The following XPC variants were observed in gnomAD, a reference collection of about 807,000 sequenced individuals.
XPC encodes the protein DNA repair protein complementing XP-C cells.
A neutral mutation model predicts 95.8 loss-of-function variants in XPC; 76 were observed. The ratio of observed to expected loss-of-function variants is 0.79; its 90% CI spans 0.66 to 0.96. The LOEUF is 0.96. Ranked by LOEUF, XPC falls within the 40% of genes least tolerant of loss-of-function variation. The probability of loss-of-function intolerance (pLI) is 0.00; values close to 1 mark genes in which losing one functional copy is unlikely to be tolerated. For synonymous variants in XPC, 442 were observed against 442.1 expected (o/e 1.00, Z 0.00); for missense variants, 1,146 against 1,179.8 (o/e 0.97, Z 0.42).
Position 14,158,600 on chromosome 3 carries a change from A to T in XPC, c.1283T>A (p.Val428Glu). The T allele has an allele frequency of 6.2e-7, 1 of 1,612,098 alleles. No homozygotes were observed. The highest frequency in any genetic ancestry group is 1.3e-5 in the African/African-American group (1 of 74,810). Reference sequence around the variant, plus strand: ...ACTCCCACTCTCCTCTTTATAAGACACCCTGGAGGCCACCCGCCGCTCCCG... The same window carrying T: ...ACTCCCACTCTCCTCTTTATAAGACTCCCTGGAGGCCACCCGCCGCTCCCG... ...HGRERRVASR[V>E]SYKEESGSDE... The change falls in exon 9 of 16, where the codon GTG (valine) becomes GAG (glutamate). Residue 428 changes from valine to glutamate, a missense_variant. Val to Glu is a moderately radical substitution (Grantham distance 121, BLOSUM62 -2). Coordinates refer to ENST00000285021, the MANE Select transcript of XPC (RefSeq NM_004628.5). The surrounding 1 kb of genome is among the most constrained non-coding windows in gnomAD (Gnocchi z 5.2).
chr3:14,147,061 G>A (rs1457669489), intron 15 of XPC, among the ~76,000 whole-genome samples: 1 of 152,192 alleles, frequency 6.6e-6, no homozygotes. Context: ...GTAGAAACGG[G>A]GACACTGGGA....
chr3:14,152,475 C>G, intron 10 of XPC, 59 bp from the exon 11 acceptor site: 1 of 1,516,106 alleles, frequency 6.6e-7, no homozygotes, highest in South Asian at 1.2e-5. Context: ...TGCGGGAATG[C>G]GGGACAGTGG....
At chr3:14,178,428 C>G in intron 1 of XPC, 38 bp downstream of exon 1, 1 of 1,567,948 alleles carries the variant, frequency 6.4e-7, no homozygotes, top group African/African-American at 1.4e-5. Flanking sequence ...CGCCCACCGG[C>G]GGCGTCTCCC....
Position 14,158,005 on chromosome 3 carries a change from C to G in XPC, c.1872+6G>C. 6.3e-7 allele frequency: 1 copy of G among 1,591,948 alleles called. No individual in the cohort carries two copies. Among genetic ancestry groups the G allele is most frequent in the Non-Finnish European group, 8.6e-7 (1 of 1,164,008 alleles). ...GTCTTGGAGCCCCTGGCAGCCAAGG[C>G]CTTACCTCCAAGTCTTCTTTCTTCT... On this transcript the variant is annotated splice_donor_region_variant and intron_variant, in intron 9 of 15. Transcript: ENST00000285021. The surrounding 1 kb of genome is among the most constrained non-coding windows in gnomAD (Gnocchi z 5.2).
chr3:14,151,740 A>G (rs1695700201), intron 11 of XPC: 1 of 152,392 alleles, frequency 6.6e-6, no homozygotes, highest in South Asian at 2.1e-4. Flanking sequence ...CTCAAGAGCA[A>G]CCAGCCTAAC....
chr3:14,171,800 G>C (rs748651440), intron 2 of XPC, among the ~76,000 whole-genome samples: 7 of 152,126 alleles, frequency 4.6e-5, no homozygotes, highest in Non-Finnish European at 8.8e-5. Context: ...TCCAGCCTGG[G>C]CAACAGAGCG....
At chr3:14,177,080 T>C (rs1290733891) in intron 1 of XPC, among the ~76,000 whole-genome samples, 1 of 145,658 alleles carries the variant, frequency 6.9e-6, no homozygotes, top group Admixed American at 7.0e-5. Flanking sequence ...TGAGACACTG[T>C]CTCGAAAAAA....
At chr3:14,168,556 G>A (rs537051228) in intron 3 of XPC, among the ~76,000 whole-genome samples, 176 bp from the exon 4 acceptor site, 27 of 152,036 alleles carry the variant, frequency 1.8e-4, no homozygotes, top group African/African-American at 6.5e-4. Flanking sequence ...GCCGGGCAGT[G>A]TGCTGAGTGT....
At chr3:14,147,011 T>G (rs1695466107) in intron 15 of XPC, among the ~76,000 whole-genome samples, 1 of 152,152 alleles carries the variant, frequency 6.6e-6, no homozygotes, top group Non-Finnish European at 1.5e-5. Flanking sequence ...CCCTATGTGT[T>G]CAGCGCCAAA....
Position 14,168,113 on chromosome 3 carries a change from A to G in XPC, c.536+144T>C, listed in dbSNP as rs983079606. The stretch of plus-strand genomic sequence containing the variant: ...GAAGGTGTCTCATTCAAGTCTCTAA[A>G]GGTAAATCAGGTTCCTGACCCAAGG... On this transcript the variant is annotated intron_variant, in intron 4 of 15. Coordinates refer to ENST00000285021, the MANE Select transcript of XPC (RefSeq NM_004628.5). 4 of 1,151,238 alleles carry G rather than the reference A, an allele frequency of 3.5e-6. No homozygotes were observed. In the African/African-American group the frequency reaches 4.7e-5, roughly 14 times the overall value. 71.3% of individuals were successfully genotyped at this position (1,151,238 alleles called of 1,614,324 possible).
At chr3:14,146,364 C>CA (rs1428182600) in intron 15 of XPC, among the ~76,000 whole-genome samples, 1 of 152,090 alleles carries the variant, frequency 6.6e-6, no homozygotes, top group Non-Finnish European at 1.5e-5. Context: ...GACACTGGAG[C>CA]ACCTGCTACG....
chr3:14,146,542 G>A (rs146598750), intron 15 of XPC, among the ~76,000 whole-genome samples: 20 of 152,286 alleles, frequency 1.3e-4, no homozygotes, highest in Non-Finnish European at 2.1e-4. Context: ...TTCAGCCCTC[G>A]GAGCCCTAAG....
intron 2 of XPC, 105 bp downstream of exon 2, chr3:14,172,762 A>G: frequency 7.7e-7 from 1 of 1,295,980 alleles, no homozygotes; most frequent in Non-Finnish European, 1.0e-6. Context: ...TAAAGATCCA[A>G]TCTTCCATGG....
Position 14,145,627 on chromosome 3 carries a change from G to C in XPC, c.*314C>G. The C allele has an allele frequency of 4.3e-6, 3 of 699,436 alleles. No individual in the cohort carries two copies. The highest frequency in any genetic ancestry group is 7.8e-6 in the Non-Finnish European group (3 of 384,748). The allele number at this position is 699,436 out of a possible 1,614,324, so 43.3% of individuals were successfully genotyped here. ...AAACTGATGTTTCTAAAGATGGAAA[G>C]AACAGGTCTAGGAGGCAGAAGAGTA... On this transcript the variant is annotated 3_prime_UTR_variant, in exon 16 of 16. Transcript: ENST00000285021.
Position 14,150,682 on chromosome 3 carries a change from G to C in XPC, c.2115+1653C>G, listed in dbSNP as rs73142642. On this transcript the variant is annotated intron_variant, in intron 11 of 15. Transcript: ENST00000285021. ...ACAGAGCTACGACTCAGCGTGATGA[G>C]TACAGGGTGGAACAGGAGCTCAGAG... Among the ~76,000 whole-genome samples, 1,475 of 152,358 alleles carry C rather than the reference G, an allele frequency of 9.7e-3. 28 individuals carry two copies. Among genetic ancestry groups the C allele is most frequent in the African/African-American group, 0.033 (1,379 of 41,580 alleles).
rs770308917 is a variant in XPC, at chr3:14,148,846, C to T, written c.2218G>A (p.Glu740Lys). 8 of 1,613,930 alleles carry T rather than the reference C, an allele frequency of 5.0e-6. No individual in the cohort carries two copies. Among genetic ancestry groups the T allele is most frequent in the Admixed American group, 1.7e-5 (1 of 60,002 alleles). Reference protein sequence around the residue: ...LGLFGYWQTEEYQPPVAVDGK... With the variant: ...LGLFGYWQTEKYQPPVAVDGK... ...TCCACGGCCACTGGGGGCTGATACT[C>T]CTCTGTCTGCCAGTAGCCAAACAGG... is the stretch of plus-strand genomic sequence containing the variant. The change falls in exon 12 of 16, where the codon GAG becomes AAG. Residue 740 changes from glutamate (E) to lysine (K), a missense_variant. Coordinates refer to ENST00000285021, the MANE Select transcript of XPC (RefSeq NM_004628.5).
chr3:14,175,504 A>T (rs28613177), intron 1 of XPC, among the ~76,000 whole-genome samples: 4,132 of 152,140 alleles, frequency 0.027, 187 homozygotes, highest in African/African-American at 0.094. Context: ...TAATCATGAG[A>T]GCAGGTGCCT....
chr3:14,173,181 G>T (rs1399117818), intron 1 of XPC, 119 bp from the exon 2 acceptor site: 3 of 967,950 alleles, frequency 3.1e-6, no homozygotes, highest in Non-Finnish European at 4.3e-6. Flanking sequence ...CTCCATCACT[G>T]GTTCACCATC....
intron 4 of XPC, among the ~76,000 whole-genome samples, chr3:14,167,637 A>T (rs1275804989): frequency 1.3e-5 from 2 of 152,226 alleles, no homozygotes; most frequent in African/African-American, 4.8e-5. Context: ...CATTTATGTG[A>T]CACTGTTCTA....
Sources: gnomAD v4.1 joint callset for allele counts (sites outside exome capture counted in the v4.1 genomes callset) on GRCh38, gnomAD v4.1.1 for gene constraint, Gnocchi (gnomAD v3.1) non-coding constraint, MANE v1.5 for transcripts, NCBI Gene and HGNC (gene_info 2026-07-23, HGNC 2026-07-21) for gene names.